Variants in FAT3 observed in about 807,000 individuals in gnomAD.
FAT3 encodes the protein FAT atypical cadherin 3.
In FAT3, 95 loss-of-function variants were observed where a neutral mutation model predicts 310.2. The observed-to-expected ratio is 0.31, with a 90% CI of 0.26 to 0.36. The LOEUF is 0.36. FAT3 is among the 10% of genes least tolerant of loss of function. The pLI is 1.00. For missense variants in FAT3, 5,408 were observed against 5,715.6 expected (o/e 0.95, Z 1.74); for synonymous variants, 2,314 against 2,192.9 (o/e 1.06, Z -1.54).
chr11:92,793,007 G>A, intron 9 of FAT3, 30 bp downstream of exon 9: 2 of 1,603,598 alleles, frequency 1.2e-6, no homozygotes, highest in Middle Eastern at 1.7e-4. Flanking sequence ...ACAGATTTCA[G>A]CATAATGCAA....
At chr11:92,779,246 A>G (rs1243487786) in intron 7 of FAT3, among the ~76,000 whole-genome samples, 1 of 152,150 alleles carries the variant, frequency 6.6e-6, no homozygotes, top group East Asian at 1.9e-4. Flanking sequence ...ATAAAGTAGC[A>G]CTACGAAGCC....
intron 7 of FAT3, among the ~76,000 whole-genome samples, chr11:92,785,485 A>G (rs1358183215): frequency 6.6e-6 from 1 of 152,146 alleles, no homozygotes; most frequent in Non-Finnish European, 1.5e-5. Context: ...AACTCAAAAG[A>G]CTGAAAGGAA....
At chr11:92,726,229 T>G (rs149520696) in intron 4 of FAT3, among the ~76,000 whole-genome samples, 42 of 152,218 alleles carry the variant, frequency 2.8e-4, no homozygotes, top group African/African-American at 1.0e-3. Flanking sequence ...TACTGCAGAG[T>G]TTTCCTTTTC....
intron 3 of FAT3, among the ~76,000 whole-genome samples, chr11:92,539,751 G>C (rs763014784): frequency 6.6e-6 from 1 of 152,154 alleles, no homozygotes; most frequent in Non-Finnish European, 1.5e-5. Flanking sequence ...GATAACTGAT[G>C]TTTAACATTT....
intron 21 of FAT3, among the ~76,000 whole-genome samples, chr11:92,863,970 T>C (rs1949177290): frequency 6.6e-6 from 1 of 152,258 alleles, no homozygotes; most frequent in Non-Finnish European, 1.5e-5. Flanking sequence ...GATTTTTGTT[T>C]GTAAAAGGCT....
intron 4 of FAT3, among the ~76,000 whole-genome samples, chr11:92,751,783 A>G (rs1231817183): frequency 1.3e-5 from 2 of 152,162 alleles, no homozygotes; most frequent in South Asian, 4.1e-4. Flanking sequence ...ATGCTTCTAC[A>G]TGGGCTGCGC....
chr11:92,723,608 T>TA (rs1420824601), intron 4 of FAT3, among the ~76,000 whole-genome samples: 1 of 152,198 alleles, frequency 6.6e-6, no homozygotes, highest in African/African-American at 2.4e-5. Context: ...ACACTGTTAA[T>TA]AAAAACATAC....
At chr11:92,292,573 T>A (rs768542921) in intron 1 of FAT3, among the ~76,000 whole-genome samples, 2 of 152,122 alleles carry the variant, frequency 1.3e-5, no homozygotes, top group Non-Finnish European at 2.9e-5. Context: ...CCGGTTTATG[T>A]CCCTGCATAT....
At chr11:92,491,523 A>G (rs1297203515) in intron 2 of FAT3, among the ~76,000 whole-genome samples, 1 of 151,992 alleles carries the variant, frequency 6.6e-6, no homozygotes, top group Non-Finnish European at 1.5e-5. Context: ...CAGACAATGG[A>G]AGGAAAGGCA....
intron 3 of FAT3, among the ~76,000 whole-genome samples, chr11:92,542,427 A>T (rs985276286): frequency 6.6e-6 from 1 of 152,052 alleles, no homozygotes; most frequent in African/African-American, 2.4e-5. Flanking sequence ...TTTGTAAGCT[A>T]TGCATCTAAT....
At chr11:92,490,783 C>T (rs547850660) in intron 2 of FAT3, among the ~76,000 whole-genome samples, 42 of 152,232 alleles carry the variant, frequency 2.8e-4, no homozygotes, top group African/African-American at 9.6e-4. Context: ...TTTTCTCACA[C>T]ATTAGCCTGT....
intron 3 of FAT3, among the ~76,000 whole-genome samples, chr11:92,623,097 A>T (rs1354915965): frequency 1.3e-5 from 2 of 148,960 alleles, no homozygotes; most frequent in African/African-American, 2.5e-5. Flanking sequence ...TTCATCTCTG[A>T]TGTTGTCTTA....
intron 3 of FAT3, among the ~76,000 whole-genome samples, chr11:92,635,972 T>C (rs556261164): frequency 6.6e-6 from 1 of 152,276 alleles, no homozygotes; most frequent in South Asian, 2.1e-4. Flanking sequence ...TGTTTTGTTT[T>C]TGTTTTTTTG....
At chr11:92,249,825 C>T (rs142214050) in intron 1 of FAT3, among the ~76,000 whole-genome samples, 2 of 152,176 alleles carry the variant, frequency 1.3e-5, no homozygotes, top group East Asian at 3.9e-4. Flanking sequence ...TTGGAGAGAG[C>T]TTGAGAGACT....
At chr11:92,484,926 G>T (rs1486823383) in intron 2 of FAT3, among the ~76,000 whole-genome samples, 2 of 152,170 alleles carry the variant, frequency 1.3e-5, no homozygotes, top group East Asian at 1.9e-4. Flanking sequence ...GATGTCTTTG[G>T]AAATGTGTGC....
intron 1 of FAT3, among the ~76,000 whole-genome samples, chr11:92,316,175 G>C (rs952567975): frequency 6.6e-6 from 1 of 151,810 alleles, no homozygotes; most frequent in African/African-American, 2.4e-5. Flanking sequence ...GACATGCCTT[G>C]AGCCAAGCAG....
At chr11:92,860,682 T>G (rs1369184622) in intron 21 of FAT3, among the ~76,000 whole-genome samples, 1 of 152,230 alleles carries the variant, frequency 6.6e-6, no homozygotes, top group Admixed American at 6.5e-5. Flanking sequence ...TTTGATTGTT[T>G]GATATGTCAG....
At chr11:92,294,282 C>G (rs1249708736) in intron 1 of FAT3, among the ~76,000 whole-genome samples, 1 of 152,050 alleles carries the variant, frequency 6.6e-6, no homozygotes, top group Non-Finnish European at 1.5e-5. Context: ...CCTTATAACC[C>G]CATTTAACCT....
chr11:92,515,023 T>C (rs936160659), intron 2 of FAT3, among the ~76,000 whole-genome samples: 3 of 152,108 alleles, frequency 2.0e-5, no homozygotes, highest in African/African-American at 7.2e-5. Context: ...AGGAGAATTG[T>C]ATCTAGTGTT....
Sources: allele counts gnomAD v4.1 joint callset (sites outside exome capture counted in the v4.1 genomes callset), GRCh38; gene constraint gnomAD v4.1.1; transcripts MANE v1.5; gene names NCBI Gene and HGNC (gene_info 2026-07-23, HGNC 2026-07-21).